The following MCHR2 variants were observed in gnomAD, a reference collection of about 807,000 sequenced individuals.
MCHR2 encodes the protein melanin-concentrating hormone receptor 2.
A neutral mutation model predicts 24.8 loss-of-function variants in MCHR2; 15 were observed. That is an observed-to-expected ratio of 0.60 (90% CI 0.40 to 0.93). MCHR2 has a LOEUF of 0.93. MCHR2 is among the 40% of genes least tolerant of loss of function. MCHR2 has a pLI of 0.00. For missense variants in MCHR2, 386 were observed against 408.7 expected, an observed-to-expected ratio of 0.94 and a Z score of 0.48; for synonymous variants, 151 against 147.6, an observed-to-expected ratio of 1.02 and a Z score of -0.17.
chr6:99,938,628 A>T (rs913226817), intron 4 of MCHR2, among the ~76,000 whole-genome samples: 2 of 151,888 alleles, frequency 1.3e-5, no homozygotes, highest in Non-Finnish European at 2.9e-5. Context: ...ATTCTGGGGG[A>T]ATGTTCTATA....
chr6:99,950,935 CAAT>C (rs1178982869), intron 2 of MCHR2, among the ~76,000 whole-genome samples: 4 of 152,150 alleles, frequency 2.6e-5, no homozygotes, highest in African/African-American at 9.7e-5. Flanking sequence ...GCCCCTTTGC[CAAT>C]TGGCTTCTGA....
intron 5 of MCHR2, among the ~76,000 whole-genome samples, chr6:99,925,704 T>G (rs1774338238): frequency 6.6e-6 from 1 of 151,986 alleles, no homozygotes; most frequent in Admixed American, 6.5e-5. Context: ...CACCTTAACT[T>G]TGTACCCCCA....
At chr6:99,965,331 TTTGA>T (rs1343701868) in intron 1 of MCHR2, among the ~76,000 whole-genome samples, 1 of 152,200 alleles carries the variant, frequency 6.6e-6, no homozygotes, top group Non-Finnish European at 1.5e-5. Context: ...TGATGTTAAC[TTTGA>T]TTGTGGTTCT....
At chr6:99,980,449 C>G (rs755462563) in intron 1 of MCHR2, among the ~76,000 whole-genome samples, 1 of 152,124 alleles carries the variant, frequency 6.6e-6, no homozygotes, top group African/African-American at 2.4e-5. Context: ...CAAGATAATT[C>G]TATAGAACTA....
intron 1 of MCHR2, among the ~76,000 whole-genome samples, chr6:99,959,851 TAATA>T (rs1775143128): frequency 6.7e-6 from 1 of 149,680 alleles, no homozygotes; most frequent in Non-Finnish European, 1.5e-5. Flanking sequence ...ATAATAATAA[TAATA>T]GGTAAAAAAA....
chr6:99,975,013 G>A (rs1205516487), intron 1 of MCHR2, among the ~76,000 whole-genome samples: 2 of 152,164 alleles, frequency 1.3e-5, no homozygotes, highest in Non-Finnish European at 2.9e-5. Flanking sequence ...TAGGCTGCTC[G>A]GCGGTCAGGG....
rs755247486 is a variant in MCHR2 at position 99,955,988 on chromosome 6, G to A, written c.160C>T (p.Leu54Phe). Residue 54 changes from leucine (L) to phenylalanine (F), a missense_variant, in exon 2 of 6, where the codon CTC (leucine) becomes TTC (phenylalanine). Physicochemically the swap from Leu to Phe is conservative, Grantham distance 22. Coordinates refer to ENST00000281806, the MANE Select transcript of MCHR2 (RefSeq NM_001040179.2). ...ICSTGLVGNI[L>F]IVFTIIRSRK... The stretch of plus-strand genomic sequence containing the variant: ...TACCTTATTATAGTGAATACAATGA[G>A]GATGTTGCCAACCAGCCCTGTTGAA... 8 of 1,607,500 alleles carry A rather than the reference G, an allele frequency of 5.0e-6. No homozygotes were observed. Among genetic ancestry groups the A allele is most frequent in the Non-Finnish European group, 5.1e-6 (6 of 1,177,520 alleles).
At chr6:99,932,730 G>GA in intron 5 of MCHR2, among the ~76,000 whole-genome samples, 1 of 152,268 alleles carries the variant, frequency 6.6e-6, no homozygotes, top group Middle Eastern at 3.4e-3. Flanking sequence ...TGAAGGTCAT[G>GA]AAAAATAAGG....
At chr6:99,984,536 T>C (rs566422395) in intron 1 of MCHR2, among the ~76,000 whole-genome samples, 26 of 152,074 alleles carry the variant, frequency 1.7e-4, no homozygotes, top group Non-Finnish European at 3.2e-4. Context: ...CTTTTAGTTC[T>C]TTCATATGTG....
intron 1 of MCHR2, among the ~76,000 whole-genome samples, chr6:99,963,932 T>C (rs1775245516): frequency 6.6e-6 from 1 of 151,744 alleles, no homozygotes; most frequent in Non-Finnish European, 1.5e-5. Flanking sequence ...TACAAACCTA[T>C]AAAAAAAGAT....
chr6:99,989,076 G>C (rs1235249723), intron 1 of MCHR2, among the ~76,000 whole-genome samples: 1 of 152,062 alleles, frequency 6.6e-6, no homozygotes, highest in Non-Finnish European at 1.5e-5. Flanking sequence ...TTAAACACAG[G>C]TTAAGAACAA....
chr6:99,993,476 T>A (rs868723429), intron 1 of MCHR2, among the ~76,000 whole-genome samples: 5 of 152,256 alleles, frequency 3.3e-5, no homozygotes, highest in South Asian at 4.1e-4. Context: ...GAACTGAATT[T>A]GTCTTTTCTA....
At chr6:99,971,554 C>T (rs894741993) in intron 1 of MCHR2, among the ~76,000 whole-genome samples, 14 of 152,250 alleles carry the variant, frequency 9.2e-5, no homozygotes, top group Admixed American at 7.8e-4. Context: ...CCCTTTATTT[C>T]CTTCTCCTGC....
chr6:99,985,702 G>C (rs1775756499), intron 1 of MCHR2, among the ~76,000 whole-genome samples: 1 of 152,130 alleles, frequency 6.6e-6, no homozygotes, highest in African/African-American at 2.4e-5. Context: ...TTAAGTGTAA[G>C]ACCTGAAACT....
intron 1 of MCHR2, among the ~76,000 whole-genome samples, chr6:99,960,696 C>A (rs1394521438): frequency 6.6e-6 from 1 of 152,122 alleles, no homozygotes; most frequent in African/African-American, 2.4e-5. Context: ...ACCATCTGAT[C>A]TATGACAAAT....
intron 5 of MCHR2, 70 bp downstream of exon 5, chr6:99,934,328 A>G: frequency 1.4e-6 from 2 of 1,381,864 alleles, no homozygotes; most frequent in Non-Finnish European, 1.9e-6. Flanking sequence ...CTGTTGCCTA[A>G]GTTTCTATTG....
At chr6:99,927,083 T>C (rs2114489943) in intron 5 of MCHR2, among the ~76,000 whole-genome samples, 1 of 152,202 alleles carries the variant, frequency 6.6e-6, no homozygotes, top group South Asian at 2.1e-4. Flanking sequence ...CACCATTTAT[T>C]AAATAGGGAA....
intron 1 of MCHR2, among the ~76,000 whole-genome samples, chr6:99,963,711 T>C (rs989122050): frequency 2.6e-5 from 4 of 152,102 alleles, no homozygotes; most frequent in African/African-American, 9.7e-5. Context: ...AAATGAATGT[T>C]TGAGAAATGA....
At chr6:99,966,844 A>G (rs527831416) in intron 1 of MCHR2, among the ~76,000 whole-genome samples, 2 of 152,204 alleles carry the variant, frequency 1.3e-5, no homozygotes, top group South Asian at 4.1e-4. Flanking sequence ...ATTTCATTAT[A>G]TCTAGGGGCC....
Sources: gnomAD v4.1 joint callset for allele counts (sites outside exome capture counted in the v4.1 genomes callset) on GRCh38, gnomAD v4.1.1 for gene constraint, MANE v1.5 for transcripts, NCBI Gene and HGNC (gene_info 2026-07-23, HGNC 2026-07-21) for gene names.